Variants in EEA1 observed in about 807,000 individuals in gnomAD.
The protein encoded by EEA1 is early endosome antigen 1, 162kD.
EEA1 carries 111 observed loss-of-function variants against 209.2 expected under a neutral mutation model. The ratio of observed to expected loss-of-function variants is 0.53; its 90% CI spans 0.45 to 0.62. The LOEUF is 0.62. EEA1 is among the 20% of genes least tolerant of loss of function. The pLI is 0.00. For missense variants in EEA1, 1,343 were observed against 1,530.8 expected, an observed-to-expected ratio of 0.88 and a Z score of 2.05; for synonymous variants, 536 against 540.6, an observed-to-expected ratio of 0.99 and a Z score of 0.12.
chr12:92,929,115 C>G lies in EEA1; in HGVS notation c.-49G>C. Reference sequence around the variant, plus strand: ...CCGCGGTGACTCTCCAGACCCTGCGCGGGGCCACTCACTACTCGGGGTGCG... The same window carrying G: ...CCGCGGTGACTCTCCAGACCCTGCGGGGGGCCACTCACTACTCGGGGTGCG... On this transcript the variant is annotated 5_prime_UTR_variant, in exon 1 of 29. Transcript: ENST00000322349. The G allele has an allele frequency of 6.5e-7, 1 of 1,538,690 alleles. No individual in the cohort carries two copies.
At chr12:92,868,699 T>TTA (rs1878505521) in intron 2 of EEA1, among the ~76,000 whole-genome samples, 1 of 152,244 alleles carries the variant, frequency 6.6e-6, no homozygotes, top group East Asian at 1.9e-4. Context: ...TTCCATGTGA[T>TTA]TAAGATTTCC....
chr12:92,779,091 A>C (rs775284241), intron 25 of EEA1, 24 bp downstream of exon 25: 1 of 1,581,476 alleles, frequency 6.3e-7, no homozygotes, highest in African/African-American at 1.4e-5. Context: ...TGCAAAACAC[A>C]CTTCCCCCGA....
At position 92,830,536 on chromosome 12, in the gene EEA1, C is replaced by T. The variant is rs928776498; in HGVS notation, c.1254+1976G>A. ...TAAAAAAAAAAATTATAAAAAGTGA[C>T]AAGTGAAGTAAATAGTATCTATCAA... On this transcript the variant is annotated intron_variant, in intron 11 of 28. Transcript: ENST00000322349. Among the ~76,000 whole-genome samples the T allele has an allele frequency of 1.2e-4, 18 of 151,402 alleles. No individual in the cohort carries two copies. In the South Asian group the frequency reaches 2.1e-3, roughly 17 times the overall value.
rs1040312826 is a variant in EEA1 at position 92,772,875 on chromosome 12, T to G, written c.*3136A>C. ...ACAACTGCATTGTGTTACAATAAAT[T>G]TATTACTTCTACACAGAAAGAACTT... On this transcript the variant is annotated 3_prime_UTR_variant, in exon 29 of 29. Transcript: ENST00000322349. The G allele has an allele frequency of 7.2e-5, 11 of 152,298 alleles. No individual in the cohort carries two copies. Among genetic ancestry groups the G allele is most frequent in the Non-Finnish European group, 1.6e-4 (11 of 67,766 alleles). 9.4% of individuals were successfully genotyped at this position (152,298 alleles called of 1,614,324 possible).
chr12:92,869,554 G>C (rs1166082184), intron 2 of EEA1, among the ~76,000 whole-genome samples: 1 of 149,682 alleles, frequency 6.7e-6, no homozygotes, highest in East Asian at 2.0e-4. Flanking sequence ...GACTACCCTA[G>C]CCAACATGGT....
In EEA1 at chr12:92,813,082, T is replaced by G; in HGVS notation, c.1941A>C (p.Lys647Asn). Residue 647 changes from lysine to asparagine, a missense_variant, in exon 16 of 29, where the codon AAA becomes AAC. This residue lies in a region of EEA1 where 1,307 missense variants were observed against 1,465.5 expected (regional missense o/e 0.89). Coordinates refer to ENST00000322349, the MANE Select transcript of EEA1 (RefSeq NM_003566.4). Reference protein sequence around the residue: ...VSQLDIQIKAKTELLLSAEAA... With the variant: ...VSQLDIQIKANTELLLSAEAA... ...CTTCTGCTGATAGTAATAGTTCGGT[T>G]TTGGCTTTAATCTGTAACAGCATTT... 2 of 1,584,956 alleles carry G rather than the reference T, an allele frequency of 1.3e-6. No homozygotes were observed. Among genetic ancestry groups the G allele is most frequent in the Non-Finnish European group, 1.7e-6 (2 of 1,160,808 alleles).
chr12:92,841,711 CAAAA>C (rs1877169019), intron 10 of EEA1, among the ~76,000 whole-genome samples: 1 of 151,830 alleles, frequency 6.6e-6, no homozygotes, highest in African/African-American at 2.4e-5. Flanking sequence ...TGGCTACTCT[CAAAA>C]AAGAAAAAGA....
intron 1 of EEA1, 62 bp from the exon 2 acceptor site, chr12:92,891,783 G>T: frequency 8.4e-7 from 1 of 1,191,246 alleles, no homozygotes. Flanking sequence ...ATATTCATCG[G>T]CCATTTAATA....
intron 1 of EEA1, among the ~76,000 whole-genome samples, chr12:92,908,289 C>T (rs989057861): frequency 6.6e-6 from 1 of 151,938 alleles, no homozygotes; most frequent in African/African-American, 2.4e-5. Context: ...TTCATAGTGA[C>T]AGGAAGTGGA....
chr12:92,877,870 T>C (rs1878980935), intron 2 of EEA1, among the ~76,000 whole-genome samples: 1 of 152,208 alleles, frequency 6.6e-6, no homozygotes, highest in Non-Finnish European at 1.5e-5. Flanking sequence ...TGATAAGATA[T>C]AATGGAATTT....
chr12:92,829,269 T>C (rs1876489057), intron 11 of EEA1, among the ~76,000 whole-genome samples: 1 of 151,894 alleles, frequency 6.6e-6, no homozygotes, highest in Admixed American at 6.6e-5. Context: ...ATCTCGCCAC[T>C]GCACTCCAGC....
intron 2 of EEA1, 61 bp downstream of exon 2, chr12:92,891,568 C>G: frequency 7.8e-7 from 1 of 1,286,786 alleles, no homozygotes; most frequent in Non-Finnish European, 1.1e-6. Context: ...AATCGTTACA[C>G]CAAATATTTG....
At position 92,775,000 on chromosome 12, in the gene EEA1, T is replaced by A. The variant is rs1276922460; in HGVS notation, c.*1011A>T. 6.6e-6 allele frequency: 1 copy of A among 151,678 alleles called. No homozygotes were observed. The highest frequency in any genetic ancestry group is 2.4e-5 in the African/African-American group (1 of 41,384). 9.4% of individuals were successfully genotyped at this position (151,678 alleles called of 1,614,324 possible). ...GATGCAAAATTATAAAACAAATACA[T>A]GAAGCTGATCTATGCTTGAAAATGT... On this transcript the variant is annotated 3_prime_UTR_variant, in exon 29 of 29. Transcript: ENST00000322349.
intron 6 of EEA1, among the ~76,000 whole-genome samples, chr12:92,853,624 CT>C (rs1446144881): frequency 6.6e-6 from 1 of 152,126 alleles, no homozygotes; most frequent in Non-Finnish European, 1.5e-5. Flanking sequence ...CTATCTTACT[CT>C]TAATATAGAC....
At position 92,776,151 on chromosome 12, in the gene EEA1, T is replaced by A. The variant is rs1321957520; in HGVS notation, c.4114-18A>T. ...CAGTGATGCTGTAAATGACAAAAAT[T>A]AAACAATTTCAAGAATAAAAACTAT... is the stretch of plus-strand genomic sequence containing the variant. On this transcript the variant is annotated intron_variant, in intron 28 of 28. Coordinates refer to ENST00000322349, the MANE Select transcript of EEA1 (RefSeq NM_003566.4). The A allele has an allele frequency of 2.1e-5, 33 of 1,594,232 alleles. 1 individual carries two copies. The Admixed American group carries it at 5.4e-4, about 26-fold the overall frequency.
chr12:92,905,120 G>C (rs1880317973), intron 1 of EEA1, among the ~76,000 whole-genome samples: 1 of 151,928 alleles, frequency 6.6e-6, no homozygotes. Context: ...ATTGCCAAAA[G>C]GTACTTATTA....
intron 1 of EEA1, among the ~76,000 whole-genome samples, chr12:92,896,926 G>C (rs1051517951): frequency 6.6e-6 from 1 of 152,108 alleles, no homozygotes; most frequent in Non-Finnish European, 1.5e-5. Flanking sequence ...TGTAATCCTA[G>C]TGCTTTGGGA....
chr12:92,782,156 A>G (rs1283599602), intron 22 of EEA1, 21 bp from the exon 23 acceptor site: 5 of 1,577,480 alleles, frequency 3.2e-6, no homozygotes, highest in Non-Finnish European at 4.3e-6. Context: ...CAATTTTCCC[A>G]AATTATTATA....
intron 8 of EEA1, among the ~76,000 whole-genome samples, 167 bp from the exon 9 acceptor site, chr12:92,851,433 C>T (rs1409552305): frequency 1.3e-5 from 2 of 152,156 alleles, no homozygotes; most frequent in Admixed American, 6.5e-5. Flanking sequence ...AAGCCACTTC[C>T]TCTTCCCATC....
Sources: gnomAD v4.1 joint callset for allele counts (sites outside exome capture counted in the v4.1 genomes callset) on GRCh38, gnomAD v4.1.1 for gene constraint, gnomAD v4.1.1 regional missense constraint, MANE v1.5 for transcripts, NCBI Gene and HGNC (gene_info 2026-07-23, HGNC 2026-07-21) for gene names.